Variants in LRRTM4 observed in about 807,000 individuals in gnomAD.
The protein encoded by LRRTM4 is leucine-rich repeat transmembrane neuronal protein 4.
In LRRTM4, 25 loss-of-function variants were observed where a neutral mutation model predicts 47.6. The observed-to-expected ratio is 0.53, with a 90% CI of 0.38 to 0.73. The LOEUF (loss-of-function observed/expected upper bound fraction) is 0.73, where lower values mean the gene tolerates loss of function less well. Among genes scored for constraint, LRRTM4 ranks in the 30% least tolerant of loss-of-function variants. LRRTM4 has a pLI of 0.00. For synonymous variants in LRRTM4, 311 were observed against 269.5 expected (o/e 1.15, Z -1.51); for missense variants, 638 against 713.4 (o/e 0.89, Z 1.20).
chr2:77,350,680 C>CA (rs1261350416), intron 3 of LRRTM4, among the ~76,000 whole-genome samples: 1 of 151,936 alleles, frequency 6.6e-6, no homozygotes, highest in Non-Finnish European at 1.5e-5. Context: ...ATAATATCTA[C>CA]AAAATAGAAG....
At chr2:77,467,369 A>G (rs950967909) in intron 3 of LRRTM4, among the ~76,000 whole-genome samples, 6 of 152,128 alleles carry the variant, frequency 3.9e-5, no homozygotes, top group African/African-American at 1.4e-4. Context: ...CTCAGAAAGG[A>G]CAAAAGCCAT....
At chr2:77,231,919 C>G (rs1438997071) in intron 3 of LRRTM4, among the ~76,000 whole-genome samples, 1 of 152,306 alleles carries the variant, frequency 6.6e-6, no homozygotes, top group South Asian at 2.1e-4. Flanking sequence ...TTTATATTTT[C>G]TAAGTGGTCA....
At chr2:76,928,323 T>C (rs1674655431) in intron 3 of LRRTM4, among the ~76,000 whole-genome samples, 1 of 152,192 alleles carries the variant, frequency 6.6e-6, no homozygotes, top group South Asian at 2.1e-4. Flanking sequence ...CATGTATAAT[T>C]TACTGAATAA....
In LRRTM4 at chr2:77,167,972, C is replaced by A. The variant is rs371651036; in HGVS notation, c.1551+350346G>T. ...TAATGATAATAAAGAAAAAAGAGTTCTTCTACCAGTAAAATTATTGTTTTA... is the reference window on the plus strand; with the variant it reads ...TAATGATAATAAAGAAAAAAGAGTTATTCTACCAGTAAAATTATTGTTTTA... On this transcript the variant is annotated intron_variant, in intron 3 of 3. Coordinates refer to ENST00000409884, the MANE Select transcript of LRRTM4 (RefSeq NM_001134745.3). 2.6e-4 allele frequency among the ~76,000 whole-genome samples: 40 copies of A among 151,968 alleles called. No individual in the cohort carries two copies. The East Asian group carries it at 5.8e-3, about 22-fold the overall frequency.
At chr2:76,800,265 A>G (rs201539963) in intron 3 of LRRTM4, among the ~76,000 whole-genome samples, 88,362 of 144,734 alleles carry the variant, frequency 0.61, 28,551 homozygotes, top group African/African-American at 0.81. Flanking sequence ...ATATAGATCA[A>G]TGGAACAGAA....
chr2:76,821,080 G>A (rs995238511), intron 3 of LRRTM4, among the ~76,000 whole-genome samples: 2 of 151,642 alleles, frequency 1.3e-5, no homozygotes, highest in Non-Finnish European at 3.0e-5. Context: ...ATAAGTAGAA[G>A]ACACTGATGA....
intron 3 of LRRTM4, among the ~76,000 whole-genome samples, chr2:77,271,269 G>T (rs1385947947): frequency 6.6e-6 from 1 of 152,182 alleles, no homozygotes; most frequent in African/African-American, 2.4e-5. Flanking sequence ...CTGGCAGAGG[G>T]CAGCCAACCC....
Position 77,213,356 on chromosome 2 carries a change from CTTG to C in LRRTM4, c.1551+304959_1551+304961del, listed in dbSNP as rs543774720. Among the ~76,000 whole-genome samples the C allele has an allele frequency of 1.3e-4, 20 of 152,190 alleles. No individual in the cohort carries two copies. The South Asian group carries it at 2.3e-3, about 17-fold the overall frequency. ...TTAATCGCAACCAGCTCCTCTACTACTTGTTGTGTCATGTGGTCATGTCACTTA... is the reference window on the plus strand; with the variant it reads ...TTAATCGCAACCAGCTCCTCTACTACTTGTGTCATGTGGTCATGTCACTTA... On this transcript the variant is annotated intron_variant, in intron 3 of 3. Transcript: ENST00000409884.
intron 3 of LRRTM4, among the ~76,000 whole-genome samples, chr2:76,974,745 T>A (rs760727453): frequency 1.8e-4 from 27 of 151,672 alleles, no homozygotes; most frequent in Non-Finnish European, 3.4e-4. Flanking sequence ...TATTATAAAT[T>A]TAATTTTCCA....
At chr2:77,223,708 G>A (rs1161404613) in intron 3 of LRRTM4, among the ~76,000 whole-genome samples, 1 of 152,112 alleles carries the variant, frequency 6.6e-6, no homozygotes, top group East Asian at 1.9e-4. Flanking sequence ...TGAAATAAAA[G>A]AGGATACAAA....
In LRRTM4 at chr2:77,473,931, G is replaced by C. The variant is rs147788011; in HGVS notation, c.1551+44387C>G. On this transcript the variant is annotated intron_variant, in intron 3 of 3. Transcript: ENST00000409884. The stretch of plus-strand genomic sequence containing the variant: ...TTACGAATAACCATTTGCTCAATTA[G>C]TCCTGGCAATTTAGCACGTGTTCTT... 9.5e-4 allele frequency among the ~76,000 whole-genome samples: 145 copies of C among 152,194 alleles called. 2 individuals are homozygous for C. Among genetic ancestry groups the C allele is most frequent in the African/African-American group, 3.3e-3 (136 of 41,542 alleles).
At chr2:77,380,287 A>T (rs1218948148) in intron 3 of LRRTM4, among the ~76,000 whole-genome samples, 2 of 152,160 alleles carry the variant, frequency 1.3e-5, no homozygotes, top group Admixed American at 1.3e-4. Context: ...GGAAAGCCTC[A>T]TGCACAGTTC....
intron 3 of LRRTM4, among the ~76,000 whole-genome samples, chr2:76,976,578 C>T (rs768521053): frequency 7.2e-5 from 11 of 151,790 alleles, no homozygotes; most frequent in Non-Finnish European, 1.3e-4. Context: ...TACTAATCCT[C>T]TAAATATTGC....
intron 3 of LRRTM4, among the ~76,000 whole-genome samples, chr2:77,212,457 T>TTA (rs367948629): frequency 0.016 from 2,264 of 145,468 alleles, 59 homozygotes; most frequent in African/African-American, 0.054. Flanking sequence ...AGTGGAATAA[T>TTA]TATATATATA....
At chr2:77,449,448 T>C (rs898321510) in intron 3 of LRRTM4, among the ~76,000 whole-genome samples, 1 of 152,280 alleles carries the variant, frequency 6.6e-6, no homozygotes, top group East Asian at 1.9e-4. Context: ...TTCTTATTTA[T>C]TTGCCTTTTC....
At chr2:77,481,225 A>C (rs910877919) in intron 3 of LRRTM4, among the ~76,000 whole-genome samples, 6 of 152,208 alleles carry the variant, frequency 3.9e-5, no homozygotes, top group Non-Finnish European at 7.3e-5. Context: ...AATTCTTGTC[A>C]TAACCCTGTG....
At chr2:77,123,349 T>C (rs964646850) in intron 3 of LRRTM4, among the ~76,000 whole-genome samples, 1 of 152,084 alleles carries the variant, frequency 6.6e-6, no homozygotes, top group Non-Finnish European at 1.5e-5. Context: ...AATTAAATAA[T>C]ATTTCTTCCT....
intron 3 of LRRTM4, among the ~76,000 whole-genome samples, chr2:77,241,372 A>G (rs1675260628): frequency 6.6e-6 from 1 of 152,058 alleles, no homozygotes; most frequent in African/African-American, 2.4e-5. Flanking sequence ...CGTGTGCAAA[A>G]TATCTCAATG....
At chr2:77,029,096 C>A (rs1678561971) in intron 3 of LRRTM4, among the ~76,000 whole-genome samples, 1 of 145,622 alleles carries the variant, frequency 6.9e-6, no homozygotes, top group African/African-American at 2.5e-5. Context: ...TATATATATT[C>A]ATTAGCAATA....
Sources: allele counts gnomAD v4.1 joint callset (sites outside exome capture counted in the v4.1 genomes callset), GRCh38; gene constraint gnomAD v4.1.1; transcripts MANE v1.5; gene names NCBI Gene and HGNC (gene_info 2026-07-23, HGNC 2026-07-21).